NCAM1: variants seen among roughly 807,000 people sequenced by gnomAD.
NCAM1 encodes the protein antigen recognized by monoclonal antibody 5.1H11.
A neutral mutation model predicts 109.8 loss-of-function variants in NCAM1; 14 were observed. The observed-to-expected ratio is 0.13, with a 90% CI of 0.08 to 0.20. The LOEUF is 0.20. NCAM1 is among the 10% of genes least tolerant of loss of function. The pLI, the probability that NCAM1 is intolerant of heterozygous loss-of-function variation, is 1.00. For missense variants in NCAM1, 774 were observed against 1,109.9 expected (o/e 0.70, Z 4.30); for synonymous variants, 418 against 442.9 (o/e 0.94, Z 0.70).
intron 1 of NCAM1, among the ~76,000 whole-genome samples, chr11:113,011,038 T>C (rs1477026887): frequency 9.9e-5 from 15 of 151,118 alleles, no homozygotes; most frequent in Non-Finnish European, 1.5e-5. Flanking sequence ...TGTATACATG[T>C]GCCATGCTGG....
intron 1 of NCAM1, among the ~76,000 whole-genome samples, chr11:113,043,809 T>C (rs1375276906): frequency 1.3e-5 from 2 of 151,992 alleles, no homozygotes; most frequent in East Asian, 3.9e-4. Flanking sequence ...CATATCTCCC[T>C]CCCCAACCTG....
At chr11:113,171,328 T>G (rs1555106197) in intron 1 of NCAM1, among the ~76,000 whole-genome samples, 1 of 152,130 alleles carries the variant, frequency 6.6e-6, no homozygotes, top group Non-Finnish European at 1.5e-5. Flanking sequence ...TGGCTTGAAA[T>G]GCTCATGAGA....
At chr11:113,261,290 T>C (rs960943660) in intron 17 of NCAM1, among the ~76,000 whole-genome samples, 2 of 151,976 alleles carry the variant, frequency 1.3e-5, no homozygotes, top group Admixed American at 6.5e-5. Context: ...GGCTGTGGCC[T>C]GCCTATGATG....
chr11:113,067,152 G>A (rs782772158), intron 1 of NCAM1, among the ~76,000 whole-genome samples: 4 of 152,086 alleles, frequency 2.6e-5, no homozygotes, highest in South Asian at 2.1e-4. Context: ...CCTCCTTAGC[G>A]TAAGAGTTTG....
At chr11:113,074,097 T>C (rs1938417737) in intron 1 of NCAM1, among the ~76,000 whole-genome samples, 1 of 152,176 alleles carries the variant, frequency 6.6e-6, no homozygotes, top group South Asian at 2.1e-4. Flanking sequence ...GAAAATAAGG[T>C]ACGTTATTTT....
At chr11:113,055,978 GAT>G (rs58693567) in intron 1 of NCAM1, among the ~76,000 whole-genome samples, 5,489 of 58,746 alleles carry the variant, frequency 0.093, 169 homozygotes, top group Non-Finnish European at 0.11. Context: ...AAGAAAATGT[GAT>G]ATATATATAT....
intron 1 of NCAM1, among the ~76,000 whole-genome samples, chr11:113,042,266 T>G (rs1953105367): frequency 1.3e-5 from 2 of 152,098 alleles, no homozygotes; most frequent in South Asian, 4.1e-4. Flanking sequence ...TCACCTCCTT[T>G]TCCTTCCACT....
intron 1 of NCAM1, among the ~76,000 whole-genome samples, chr11:113,112,722 G>A (rs1269598190): frequency 6.6e-6 from 1 of 152,134 alleles, no homozygotes; most frequent in Non-Finnish European, 1.5e-5. Context: ...TCCCCACCCT[G>A]TTAACACATT....
chr11:113,122,935 TAAGTG>T (rs1263109734), intron 1 of NCAM1, among the ~76,000 whole-genome samples: 13 of 152,316 alleles, frequency 8.5e-5, no homozygotes, highest in South Asian at 2.1e-4. Context: ...GTCATTCTGT[TAAGTG>T]AAGTAAGTCA....
At chr11:113,019,035 G>A (rs1952299546) in intron 1 of NCAM1, among the ~76,000 whole-genome samples, 1 of 152,052 alleles carries the variant, frequency 6.6e-6, no homozygotes, top group Admixed American at 6.6e-5. Context: ...ATAGATGAGA[G>A]GATCCCTTCC....
intron 1 of NCAM1, among the ~76,000 whole-genome samples, chr11:113,128,912 T>G (rs880001037): frequency 2.7e-4 from 13 of 47,942 alleles, no homozygotes; most frequent in South Asian, 8.8e-4. Context: ...TGAGGGTGTG[T>G]GTGTGTGTGT....
chr11:113,047,064 C>T (rs1412003545), intron 1 of NCAM1, among the ~76,000 whole-genome samples: 2 of 152,194 alleles, frequency 1.3e-5, no homozygotes, highest in Admixed American at 6.5e-5. Flanking sequence ...GGAACAGCAA[C>T]GTAGGCACTC....
chr11:113,143,761 A>T (rs1455907578), intron 1 of NCAM1, among the ~76,000 whole-genome samples: 1 of 152,194 alleles, frequency 6.6e-6, no homozygotes, highest in African/African-American at 2.4e-5. Context: ...TCCTGATAAA[A>T]ACTGTGCTGA....
Position 113,149,376 on chromosome 11 carries a change from C to CA in NCAM1, c.53-52997dup, listed in dbSNP as rs556934447. Reference sequence around the variant, plus strand: ...GTGATATTAAGGAAGAGATTGGATTCAAAAAACCCACTGGGAAACCATTAT... The same window carrying CA: ...GTGATATTAAGGAAGAGATTGGATTCAAAAAAACCCACTGGGAAACCATTAT... On this transcript the variant is annotated intron_variant, in intron 1 of 19. Coordinates refer to ENST00000316851, the MANE Select transcript of NCAM1 (RefSeq NM_181351.5). 1.1e-3 allele frequency among the ~76,000 whole-genome samples: 170 copies of CA among 152,146 alleles called. 1 individual carries two copies. The highest frequency in any genetic ancestry group is 8.9e-3 in the South Asian group (43 of 4,814).
rs953892313 is a variant in NCAM1, at chr11:113,273,503, C to T, written c.2456+1627C>T. 6.0e-6 allele frequency: 2 copies of T among 333,104 alleles called. No individual in the cohort carries two copies. The highest frequency in any genetic ancestry group is 3.8e-5 in the Admixed American group (1 of 26,058). The allele number at this position is 333,104 out of a possible 1,614,324, so 20.6% of individuals were successfully genotyped here. A position where few individuals can be genotyped will look rare whatever the true frequency, so the allele number is the denominator to read the frequency against. ...AGCCCGGAGCCGCGAAGAGCCCGGC[C>T]GAGGCAGCCACAGCCCTTGCTAGCC... is the stretch of plus-strand genomic sequence containing the variant. On this transcript the variant is annotated intron_variant, in intron 19 of 19. Coordinates refer to ENST00000316851, the MANE Select transcript of NCAM1 (RefSeq NM_181351.5). The surrounding 1 kb of genome is among the most constrained non-coding windows in gnomAD (Gnocchi z 6.0).
chr11:112,994,030 A>G (rs1315365712), intron 1 of NCAM1, among the ~76,000 whole-genome samples: 3 of 152,198 alleles, frequency 2.0e-5, no homozygotes, highest in South Asian at 2.1e-4. Flanking sequence ...ATGACCTTTC[A>G]TTGATCTTCT....
chr11:113,188,041 CAA>C, intron 1 of NCAM1, among the ~76,000 whole-genome samples: 1 of 152,076 alleles, frequency 6.6e-6, no homozygotes, highest in Non-Finnish European at 1.5e-5. Flanking sequence ...TCTTTTTGAC[CAA>C]AGTTTGTTGC....
chr11:113,211,603 A>G (rs1228409980), intron 7 of NCAM1, among the ~76,000 whole-genome samples: 1 of 152,206 alleles, frequency 6.6e-6, no homozygotes, highest in East Asian at 1.9e-4. Flanking sequence ...GCTCATGTAC[A>G]TGCTCTTGAG....
At chr11:113,262,175 G>A (rs530501640) in intron 17 of NCAM1, among the ~76,000 whole-genome samples, 2 of 152,346 alleles carry the variant, frequency 1.3e-5, no homozygotes, top group African/African-American at 2.4e-5. Context: ...TCAGCAAGCA[G>A]GGTAGAAGGT....
Sources: allele counts gnomAD v4.1 joint callset (sites outside exome capture counted in the v4.1 genomes callset), GRCh38; gene constraint gnomAD v4.1.1; non-coding constraint Gnocchi (gnomAD v3.1); transcripts MANE v1.5; gene names NCBI Gene and HGNC (gene_info 2026-07-23, HGNC 2026-07-21).